SV2C: variants seen among roughly 807,000 people sequenced by gnomAD.
SV2C encodes synaptic vesicle glycoprotein 2C.
Under a neutral mutation model 79.7 loss-of-function variants are expected in SV2C, and 49 were observed. The ratio of observed to expected loss-of-function variants is 0.61; its 90% CI spans 0.49 to 0.78. The LOEUF (loss-of-function observed/expected upper bound fraction) is 0.78, where lower values mean the gene tolerates loss of function less well. Ranked by LOEUF, SV2C falls within the 30% of genes least tolerant of loss-of-function variation. SV2C has a pLI of 0.00. For synonymous variants in SV2C, 334 were observed against 333.2 expected, an observed-to-expected ratio of 1.00 and a Z score of -0.03; for missense variants, 833 against 912.9, an observed-to-expected ratio of 0.91 and a Z score of 1.13.
At chr5:76,036,594 G>A in the SV2C span, among the ~76,000 whole-genome samples, 1 of 152,206 alleles carries the variant, frequency 6.6e-6, no homozygotes, top group Non-Finnish European at 1.5e-5. Context: ...CTGGCATGTA[G>A]AATTTCTGCC....
chr5:76,212,059 A>G (rs537843428), intron 4 of SV2C, among the ~76,000 whole-genome samples: 3 of 152,158 alleles, frequency 2.0e-5, no homozygotes, highest in Admixed American at 2.0e-4. Context: ...CATATCCACC[A>G]TGAGACTTGT....
the SV2C span, among the ~76,000 whole-genome samples, chr5:75,991,985 A>G: frequency 1.3e-5 from 2 of 151,634 alleles, no homozygotes; most frequent in Non-Finnish European, 2.9e-5. Flanking sequence ...GTCCTTTCTC[A>G]TGCATTTATT....
the SV2C span, among the ~76,000 whole-genome samples, chr5:75,912,834 CCAAAGTAAGGTA>C: frequency 6.6e-6 from 1 of 152,168 alleles, no homozygotes; most frequent in African/African-American, 2.4e-5. Flanking sequence ...CAGGATAAAT[CCAAAGTAAGGTA>C]CTTTTGCTTA....
intron 12 of SV2C, among the ~76,000 whole-genome samples, chr5:76,339,424 T>A (rs1231423805): frequency 6.6e-6 from 1 of 152,116 alleles, no homozygotes; most frequent in East Asian, 1.9e-4. Context: ...TTTTTAAGAT[T>A]TCTCATTTCA....
In SV2C at chr5:76,328,320, T is replaced by C. The variant is rs1247176990; in HGVS notation, c.*2773T>C. On this transcript the variant is annotated 3_prime_UTR_variant, in exon 13 of 13. Coordinates refer to ENST00000502798, the MANE Select transcript of SV2C (RefSeq NM_014979.4). The stretch of plus-strand genomic sequence containing the variant: ...CTAGGAAATAGTCCACTTGCTCCTA[T>C]ATTTTTACCACCTTTTCTAACTAAA... 1 of 152,226 alleles carries C rather than the reference T, an allele frequency of 6.6e-6. No homozygotes were observed. Among genetic ancestry groups the C allele is most frequent in the African/African-American group, 2.4e-5 (1 of 41,466 alleles). The allele number at this position is 152,226 out of a possible 1,614,324, so 9.4% of individuals were successfully genotyped here.
At chr5:76,280,261 A>T (rs915775296) in intron 4 of SV2C, among the ~76,000 whole-genome samples, 2 of 152,046 alleles carry the variant, frequency 1.3e-5, no homozygotes, top group African/African-American at 4.8e-5. Context: ...GTGTGTTCAT[A>T]TGTGTGTGTC....
At chr5:75,942,374 T>A in the SV2C span, among the ~76,000 whole-genome samples, 1 of 152,190 alleles carries the variant, frequency 6.6e-6, no homozygotes, top group Non-Finnish European at 1.5e-5. Flanking sequence ...GTTGATCAGA[T>A]GTTCCAGAGG....
chr5:76,073,040 C>T, the SV2C span, among the ~76,000 whole-genome samples: 1 of 152,162 alleles, frequency 6.6e-6, no homozygotes, highest in Non-Finnish European at 1.5e-5. Flanking sequence ...TCTCCCACTC[C>T]GTGGGCTATC....
chr5:75,894,913 G>A, the SV2C span, among the ~76,000 whole-genome samples: 1 of 152,096 alleles, frequency 6.6e-6, no homozygotes, highest in South Asian at 2.1e-4. Context: ...CAGGCAGGAG[G>A]TAAGTGCTAA....
chr5:76,317,595 C>T (rs916981065), intron 12 of SV2C, among the ~76,000 whole-genome samples: 3 of 152,018 alleles, frequency 2.0e-5, no homozygotes, highest in Admixed American at 1.3e-4. Flanking sequence ...TTTGGGAGGC[C>T]GAGGTGGGAG....
At chr5:75,944,707 G>C in the SV2C span, among the ~76,000 whole-genome samples, 1 of 152,230 alleles carries the variant, frequency 6.6e-6, no homozygotes, top group South Asian at 2.1e-4. Context: ...GAAGAACTCT[G>C]GCAGAAATCA....
At chr5:76,244,990 G>T (rs1235369597) in intron 4 of SV2C, among the ~76,000 whole-genome samples, 1 of 152,158 alleles carries the variant, frequency 6.6e-6, no homozygotes, top group African/African-American at 2.4e-5. Context: ...TTCCTGACAG[G>T]AACTGTCTCT....
chr5:76,138,805 G>A (rs1459529136), intron 2 of SV2C, among the ~76,000 whole-genome samples: 3 of 152,154 alleles, frequency 2.0e-5, no homozygotes, highest in Non-Finnish European at 4.4e-5. Context: ...CTCAAGATAT[G>A]AACATATCTA....
chr5:76,126,388 G>A (rs990844316), intron 1 of SV2C, among the ~76,000 whole-genome samples: 2 of 152,132 alleles, frequency 1.3e-5, no homozygotes, highest in Non-Finnish European at 2.9e-5. Flanking sequence ...TTAATGTCAG[G>A]GATTTGGACA....
intron 12 of SV2C, among the ~76,000 whole-genome samples, chr5:76,351,999 GGTCAGGAGTTCGA>G (rs1479065438): frequency 1.3e-5 from 2 of 152,178 alleles, no homozygotes; most frequent in African/African-American, 4.8e-5. Context: ...GATCACCTGA[GGTCAGGAGTTCGA>G]GACCAGCCTG....
At chr5:75,888,398 C>A in the SV2C span, among the ~76,000 whole-genome samples, 4 of 151,814 alleles carry the variant, frequency 2.6e-5, no homozygotes, top group Non-Finnish European at 4.4e-5. Context: ...AACGGACTGG[C>A]CCCTTTCCCA....
At position 76,266,052 on chromosome 5, in the gene SV2C, C is replaced by T. The variant is rs190846350; in HGVS notation, c.914-19110C>T. 8.6e-5 allele frequency among the ~76,000 whole-genome samples: 13 copies of T among 151,908 alleles called. No individual in the cohort carries two copies. In the East Asian group the frequency reaches 2.1e-3, roughly 25 times the overall value. ...ATCTGAAAGGCAGGTGGGGTGTGCCCGGAAGGACTCTACCTGCAGAAGGTG... is the reference window on the plus strand; with the variant it reads ...ATCTGAAAGGCAGGTGGGGTGTGCCTGGAAGGACTCTACCTGCAGAAGGTG... On this transcript the variant is annotated intron_variant, in intron 4 of 12. Coordinates refer to ENST00000502798, the MANE Select transcript of SV2C (RefSeq NM_014979.4).
chr5:76,097,453 A>G (rs372584995), intron 1 of SV2C, among the ~76,000 whole-genome samples: 1 of 152,206 alleles, frequency 6.6e-6, no homozygotes, highest in African/African-American at 2.4e-5. Flanking sequence ...GTATTTGTCT[A>G]CATTGGCATT....
chr5:75,884,705 T>C, the SV2C span, among the ~76,000 whole-genome samples: 1 of 152,126 alleles, frequency 6.6e-6, no homozygotes, highest in Non-Finnish European at 1.5e-5. Context: ...ATATTATAAT[T>C]ACCCTGATTT....
Sources: allele counts gnomAD v4.1 joint callset (sites outside exome capture counted in the v4.1 genomes callset), GRCh38; gene constraint gnomAD v4.1.1; transcripts MANE v1.5; gene names NCBI Gene and HGNC (gene_info 2026-07-23, HGNC 2026-07-21).